NTM: variants seen among roughly 807,000 people sequenced by gnomAD.
NTM encodes neurotrimin.
A neutral mutation model predicts 42.1 loss-of-function variants in NTM; 13 were observed. The observed-to-expected ratio is 0.31, with a 90% CI of 0.20 to 0.49. NTM has a LOEUF of 0.49. Among genes scored for constraint, NTM ranks in the 20% least tolerant of loss-of-function variants. The pLI is 0.99. For synonymous variants in NTM, 187 were observed against 179.2 expected, an observed-to-expected ratio of 1.04 and a Z score of -0.35; for missense variants, 373 against 452.8, an observed-to-expected ratio of 0.82 and a Z score of 1.60.
chr11:131,734,085 G>A (rs2080093094), intron 1 of NTM, among the ~76,000 whole-genome samples: 1 of 152,152 alleles, frequency 6.6e-6, no homozygotes, highest in African/African-American at 2.4e-5. Context: ...AGATGTATCT[G>A]ACAACAAAGA....
intron 1 of NTM, among the ~76,000 whole-genome samples, chr11:131,850,989 C>T (rs1471622857): frequency 6.6e-6 from 1 of 152,080 alleles, no homozygotes; most frequent in Non-Finnish European, 1.5e-5. Context: ...TCATTCCTAC[C>T]ACTGCCGTGT....
At chr11:131,432,379 T>G (rs1335473359) in intron 1 of NTM, among the ~76,000 whole-genome samples, 1 of 152,236 alleles carries the variant, frequency 6.6e-6, no homozygotes, top group Non-Finnish European at 1.5e-5. Context: ...CTCAGTAGAA[T>G]AAGTTTCTGT....
intron 8 of NTM, among the ~76,000 whole-genome samples, chr11:132,331,606 C>G (rs1251482378): frequency 6.6e-6 from 1 of 152,110 alleles, no homozygotes; most frequent in African/African-American, 2.4e-5. Flanking sequence ...ATACCTGCCA[C>G]GGGCCAATGA....
intron 1 of NTM, among the ~76,000 whole-genome samples, chr11:131,695,662 C>A (rs2135098012): frequency 6.6e-6 from 1 of 152,280 alleles, no homozygotes; most frequent in South Asian, 2.1e-4. Flanking sequence ...AGCAACTTCA[C>A]CGGCATGCCC....
Position 131,984,292 on chromosome 11 carries a change from C to T in NTM, c.167+72644C>T, listed in dbSNP as rs190722376. ...CACTGACGTATAACTGAAAAGATTGCCACCCCTTATTCCAAAGTCCTTTTA... is the reference window on the plus strand; with the variant it reads ...CACTGACGTATAACTGAAAAGATTGTCACCCCTTATTCCAAAGTCCTTTTA... On this transcript the variant is annotated intron_variant, in intron 2 of 8. Coordinates refer to ENST00000683400, the MANE Select transcript of NTM (RefSeq NM_001352005.2). 3.2e-4 allele frequency among the ~76,000 whole-genome samples: 49 copies of T among 152,278 alleles called. 1 individual carries two copies. Among genetic ancestry groups the T allele is most frequent in the Admixed American group, 2.6e-3 (40 of 15,300 alleles).
intron 3 of NTM, among the ~76,000 whole-genome samples, chr11:132,169,320 C>CTTTTTTTTTTTCTTTTTTT (rs2075780920): frequency 3.1e-5 from 1 of 32,358 alleles, no homozygotes; most frequent in Non-Finnish European, 5.4e-5. Context: ...AATTTTTTTA[C>CTTTTTTTTTTTCTTTTTTT]TTTTTTTTTT....
intron 1 of NTM, among the ~76,000 whole-genome samples, chr11:131,463,815 T>C (rs1286995995): frequency 3.9e-5 from 6 of 152,170 alleles, no homozygotes; most frequent in Admixed American, 3.9e-4. Context: ...GGCTGCATGC[T>C]AATCAGGCGG....
chr11:131,755,137 A>G (rs534634165), intron 1 of NTM, among the ~76,000 whole-genome samples: 16 of 152,324 alleles, frequency 1.1e-4, no homozygotes, highest in African/African-American at 3.8e-4. Flanking sequence ...TGTAATATTC[A>G]TCAAAACTTA....
chr11:132,198,368 T>TA (rs944990754), intron 3 of NTM, among the ~76,000 whole-genome samples: 2 of 152,100 alleles, frequency 1.3e-5, no homozygotes, highest in Middle Eastern at 3.2e-3. Flanking sequence ...AGCTAAGTTT[T>TA]AAAAATTTTT....
intron 3 of NTM, among the ~76,000 whole-genome samples, chr11:132,200,754 G>C (rs1312303975): frequency 3.3e-5 from 5 of 152,198 alleles, no homozygotes; most frequent in Non-Finnish European, 7.3e-5. Flanking sequence ...CAGGGGCTTA[G>C]TCTCTATCTG....
At chr11:131,755,899 G>C (rs1397893465) in intron 1 of NTM, among the ~76,000 whole-genome samples, 2 of 152,234 alleles carry the variant, frequency 1.3e-5, no homozygotes, top group Non-Finnish European at 2.9e-5. Context: ...TATTCGAGGA[G>C]AGGCAATAGA....
chr11:132,317,614 G>C (rs1405811647), intron 7 of NTM: 14 of 1,241,316 alleles, frequency 1.1e-5, no homozygotes, highest in African/African-American at 1.6e-5. Flanking sequence ...ATATGTGTTT[G>C]TTCTCATTTT....
chr11:132,134,723 A>G (rs1227299550), intron 2 of NTM, among the ~76,000 whole-genome samples: 1,893 of 58,490 alleles, frequency 0.032, 219 homozygotes, highest in African/African-American at 0.15. Flanking sequence ...ATATATATAT[A>G]TATATATATA....
At chr11:131,960,666 T>A (rs1303199540) in intron 2 of NTM, among the ~76,000 whole-genome samples, 1 of 152,210 alleles carries the variant, frequency 6.6e-6, no homozygotes, top group African/African-American at 2.4e-5. Context: ...TTGGGAGAAC[T>A]GTATCAGGTC....
At chr11:132,275,238 T>C (rs2093659778) in intron 4 of NTM, among the ~76,000 whole-genome samples, 1 of 152,078 alleles carries the variant, frequency 6.6e-6, no homozygotes, top group African/African-American at 2.4e-5. Context: ...ATTGAGATAT[T>C]TTTTCATTTT....
intron 1 of NTM, among the ~76,000 whole-genome samples, chr11:131,554,185 C>T (rs114304363): frequency 3.3e-5 from 5 of 152,304 alleles, no homozygotes; most frequent in East Asian, 1.9e-4. Context: ...ATCTCCCTTT[C>T]GAGATCATGT....
At chr11:132,004,690 C>T (rs948785308) in intron 2 of NTM, among the ~76,000 whole-genome samples, 5 of 151,310 alleles carry the variant, frequency 3.3e-5, no homozygotes, top group Non-Finnish European at 7.4e-5. Flanking sequence ...TACACAGGTG[C>T]ATTGTATCAG....
chr11:131,794,623 T>TTAAA, intron 1 of NTM: 1 of 940,754 alleles, frequency 1.1e-6, no homozygotes, highest in Non-Finnish European at 1.3e-6. Context: ...TGGATGAGTG[T>TTAAA]TGAATGAATG....
intron 4 of NTM, among the ~76,000 whole-genome samples, chr11:132,231,701 C>T (rs2087595273): frequency 1.3e-5 from 2 of 152,196 alleles, no homozygotes; most frequent in Admixed American, 6.5e-5. Context: ...AGCCACATTA[C>T]ACAAAGTGAA....
Sources: gnomAD v4.1 joint callset for allele counts (sites outside exome capture counted in the v4.1 genomes callset) on GRCh38, gnomAD v4.1.1 for gene constraint, MANE v1.5 for transcripts, NCBI Gene and HGNC (gene_info 2026-07-23, HGNC 2026-07-21) for gene names.